The following TOM1L2 variants were observed in gnomAD, a reference collection of about 807,000 sequenced individuals.
TOM1L2 encodes the protein target of myb1 like 2 membrane trafficking protein, also known as TOM1-like protein 2.
Under a neutral mutation model 67.9 loss-of-function variants are expected in TOM1L2, and 31 were observed. That is an observed-to-expected ratio of 0.46 (90% CI 0.34 to 0.62). The LOEUF is 0.62. Ranked by LOEUF, TOM1L2 falls within the 20% of genes least tolerant of loss-of-function variation. The pLI is 0.01. For synonymous variants in TOM1L2, 256 were observed against 254.0 expected (o/e 1.01, Z -0.07); for missense variants, 606 against 663.5 (o/e 0.91, Z 0.95).
At chr17:17,903,612 C>CAA (rs111261278) in intron 2 of TOM1L2, among the ~76,000 whole-genome samples, 7 of 73,564 alleles carry the variant, frequency 9.5e-5, no homozygotes, top group Non-Finnish European at 1.3e-4. Context: ...GACTCCATCT[C>CAA]AAAAAAAAAA....
intron 13 of TOM1L2, among the ~76,000 whole-genome samples, 181 bp downstream of exon 13, chr17:17,850,712 A>G (rs1219424791): frequency 3.3e-5 from 5 of 152,154 alleles, no homozygotes; most frequent in African/African-American, 1.2e-4. Flanking sequence ...AGGCCACTGC[A>G]GCACCCACAG....
intron 1 of TOM1L2, among the ~76,000 whole-genome samples, chr17:17,938,682 C>G (rs536355894): frequency 6.6e-6 from 1 of 152,278 alleles, no homozygotes; most frequent in South Asian, 2.1e-4. Context: ...ACCAATACTA[C>G]CTAACCTTTA....
At chr17:17,885,924 C>CAA (rs35579807) in intron 4 of TOM1L2, among the ~76,000 whole-genome samples, 3,823 of 64,988 alleles carry the variant, frequency 0.059, 221 homozygotes, top group Non-Finnish European at 0.073. Context: ...GACTCCGTCT[C>CAA]AAAAAAAAAA....
chr17:17,869,420 G>A lies in TOM1L2; in HGVS notation c.831C>T (p.Ser277=). 1 of 1,613,630 alleles carries A rather than the reference G, an allele frequency of 6.2e-7. No homozygotes were observed. Among genetic ancestry groups the A allele is most frequent in the South Asian group, 1.1e-5 (1 of 91,048 alleles). ...AMQQRIVELI[S]RVSNEEVTEE... is the part of the protein sequence containing the mutation. ...CGGTGACCTCCTCATTGGACACGCG[G>A]GAGATGAGCTCCACGATGCGCTGCT... The change falls in exon 8 of 15, where the codon TCC becomes TCT. Residue 277 remains serine (S), a synonymous_variant. Transcript: ENST00000379504.
chr17:17,913,209 G>A (rs1208077090), intron 1 of TOM1L2, among the ~76,000 whole-genome samples: 1 of 149,608 alleles, frequency 6.7e-6, no homozygotes, highest in Non-Finnish European at 1.5e-5. Context: ...GTGGGGAGAC[G>A]GGAGAGGGAG....
At chr17:17,941,011 C>A (rs1046816747) in intron 1 of TOM1L2, among the ~76,000 whole-genome samples, 1 of 152,192 alleles carries the variant, frequency 6.6e-6, no homozygotes, top group Non-Finnish European at 1.5e-5. Context: ...AAAATCTGTT[C>A]TAGTGTTTTC....
intron 4 of TOM1L2, among the ~76,000 whole-genome samples, chr17:17,887,362 T>C (rs2038051805): frequency 6.6e-6 from 1 of 152,176 alleles, no homozygotes; most frequent in South Asian, 2.1e-4. Flanking sequence ...CAGGGGCGCC[T>C]CTGAATAAAT....
At chr17:17,879,156 C>T (rs1032581318) in intron 7 of TOM1L2, among the ~76,000 whole-genome samples, 7 of 152,216 alleles carry the variant, frequency 4.6e-5, no homozygotes, top group African/African-American at 1.2e-4. Flanking sequence ...GGTGCCACTA[C>T]AAGGGCTCCT....
chr17:17,866,849 A>G, intron 9 of TOM1L2, 27 bp downstream of exon 9: 1 of 1,610,942 alleles, frequency 6.2e-7, no homozygotes, highest in Non-Finnish European at 8.5e-7. Context: ...GCCTCAGGAG[A>G]TGACAGGATT....
intron 2 of TOM1L2, among the ~76,000 whole-genome samples, chr17:17,905,791 G>A (rs927144797): frequency 6.6e-6 from 1 of 152,148 alleles, no homozygotes; most frequent in Admixed American, 6.5e-5. Context: ...TCCAATAAGA[G>A]TGGGACCACA....
intron 7 of TOM1L2, chr17:17,871,888 A>T: frequency 1.3e-6 from 1 of 783,202 alleles, no homozygotes; most frequent in Non-Finnish European, 1.6e-6. Context: ...TGCTAGAATT[A>T]ATAAGAGGTG....
chr17:17,925,900 G>A (rs1292324557), intron 1 of TOM1L2, among the ~76,000 whole-genome samples: 1 of 151,194 alleles, frequency 6.6e-6, no homozygotes, highest in Non-Finnish European at 1.5e-5. Flanking sequence ...GTTAGTCGTG[G>A]TGCCTCATGC....
At chr17:17,949,016 A>G (rs4534911) in intron 1 of TOM1L2, among the ~76,000 whole-genome samples, 82,904 of 152,022 alleles carry the variant, frequency 0.55, 24,729 homozygotes, top group East Asian at 0.94. Flanking sequence ...GGCCACATAC[A>G]GAGTGACTGT....
chr17:17,899,158 G>T (rs1290574569), intron 2 of TOM1L2, among the ~76,000 whole-genome samples: 2 of 152,214 alleles, frequency 1.3e-5, no homozygotes, highest in Admixed American at 1.3e-4. Context: ...TCACATGCAA[G>T]TATTATTTAT....
intron 1 of TOM1L2, among the ~76,000 whole-genome samples, chr17:17,951,250 A>G (rs2041195819): frequency 6.6e-6 from 1 of 152,126 alleles, no homozygotes; most frequent in African/African-American, 2.4e-5. Flanking sequence ...CCCTTTCCTA[A>G]CTCTGGCAGG....
intron 11 of TOM1L2, 140 bp from the exon 12 acceptor site, chr17:17,861,691 T>C (rs116891426): frequency 7.6e-5 from 55 of 724,874 alleles, no homozygotes; most frequent in East Asian, 2.5e-4. Flanking sequence ...AACCTTGACA[T>C]TGAGCAGAGG....
At chr17:17,968,637 C>T (rs2041953017) in intron 1 of TOM1L2, among the ~76,000 whole-genome samples, 1 of 149,594 alleles carries the variant, frequency 6.7e-6, no homozygotes, top group Non-Finnish European at 1.5e-5. Flanking sequence ...TGCACTCCAG[C>T]CTGGGTGATG....
At chr17:17,970,105 A>G (rs2042010911) in intron 1 of TOM1L2, among the ~76,000 whole-genome samples, 1 of 152,114 alleles carries the variant, frequency 6.6e-6, no homozygotes, top group Admixed American at 6.5e-5. Flanking sequence ...CCCAGGCTGG[A>G]GTGCAGTGGC....
chr17:17,971,741 G>A (rs1463115756), intron 1 of TOM1L2, among the ~76,000 whole-genome samples: 1 of 152,258 alleles, frequency 6.6e-6, no homozygotes, highest in Non-Finnish European at 1.5e-5. Flanking sequence ...ACCAGCAGTT[G>A]GCACCACCTC....
Sources: gnomAD v4.1 joint callset for allele counts (sites outside exome capture counted in the v4.1 genomes callset) on GRCh38, gnomAD v4.1.1 for gene constraint, MANE v1.5 for transcripts, NCBI Gene and HGNC (gene_info 2026-07-23, HGNC 2026-07-21) for gene names.